Variants in ZCCHC14 observed in about 807,000 individuals in gnomAD.
The protein encoded by ZCCHC14 is zinc finger CCHC domain-containing protein 14.
A neutral mutation model predicts 85.0 loss-of-function variants in ZCCHC14; 16 were observed. That is an observed-to-expected ratio of 0.19 (90% CI 0.13 to 0.29). The LOEUF (loss-of-function observed/expected upper bound fraction) is 0.29. ZCCHC14 is among the 10% of genes least tolerant of loss of function. The pLI, the probability that ZCCHC14 is intolerant of heterozygous loss-of-function variation, is 1.00. For synonymous variants in ZCCHC14, 775 were observed against 630.7 expected (o/e 1.23, Z -3.43); for missense variants, 1,303 against 1,443.5 (o/e 0.90, Z 1.58).
At chr16:87,444,078 A>AAC (rs1031363917) in intron 2 of ZCCHC14, among the ~76,000 whole-genome samples, 1 of 151,866 alleles carries the variant, frequency 6.6e-6, no homozygotes, top group African/African-American at 2.4e-5. Context: ...GAAAAGGAAA[A>AAC]ACACAGAAAC....
At position 87,410,297 on chromosome 16, in the gene ZCCHC14, G is replaced by A. The variant is rs1285510471; in HGVS notation, c.3244C>T (p.Leu1082=). 1.3e-6 allele frequency: 1 copy of A among 776,692 alleles called. No individual in the cohort carries two copies. Among genetic ancestry groups the A allele is most frequent in the African/African-American group, 1.7e-5 (1 of 58,870 alleles). The allele number at this position is 776,692 out of a possible 1,614,324, so 48.1% of individuals were successfully genotyped here. Residue 1082 remains leucine (L), a synonymous_variant, in exon 13 of 13, where the codon CTG becomes TTG. Transcript: ENST00000671377. ...RLKYAPPAES[L]DSTD ...GAAAAATATCAATCTGTGGAGTCCA[G>A]ACTTTCTGCTGGAGGGGCGTATTTC...
chr16:87,427,041 CAG>C (rs1283809049), intron 3 of ZCCHC14, among the ~76,000 whole-genome samples: 4 of 152,238 alleles, frequency 2.6e-5, no homozygotes, highest in Admixed American at 6.5e-5. Flanking sequence ...CTCCAGCCAA[CAG>C]GGGAAGATGT....
Position 87,412,788 on chromosome 16 carries a change from G to C in ZCCHC14, c.1933C>G (p.Arg645Gly), listed in dbSNP as rs1323180143. 1.9e-6 allele frequency: 3 copies of C among 1,613,538 alleles called. No individual in the cohort carries two copies. The highest frequency in any genetic ancestry group is 2.7e-5 in the African/African-American group (2 of 74,912). Reference sequence around the variant, plus strand: ...GGCTTGTGCACGGAATTCAGCATGCGGATGGGTGTGATGTGTGAGGCTGCG... The same window carrying C: ...GGCTTGTGCACGGAATTCAGCATGCCGATGGGTGTGATGTGTGAGGCTGCG... ...LSAASHITPI[R>G]MLNSVHKPER... is the part of the protein sequence containing the mutation. Residue 645 changes from arginine (R) to glycine (G), a missense_variant, in exon 12 of 13, where the codon CGC (arginine) becomes GGC (glycine). Arg to Gly is a moderately radical substitution (Grantham distance 125). Around this residue, in one of 7 missense-constraint regions of ZCCHC14, gnomAD observed 797 missense variants for 730.8 expected, o/e 1.09. Coordinates refer to ENST00000671377, the MANE Select transcript of ZCCHC14 (RefSeq NM_015144.3).
At chr16:87,410,934 A>C (rs1286032585) in intron 12 of ZCCHC14, among the ~76,000 whole-genome samples, 1 of 152,176 alleles carries the variant, frequency 6.6e-6, no homozygotes, top group Non-Finnish European at 1.5e-5. Flanking sequence ...GTTGGGACCC[A>C]CCTTCCCAGT....
At chr16:87,487,799 G>T (rs8058599) in intron 1 of ZCCHC14, among the ~76,000 whole-genome samples, 2 of 152,150 alleles carry the variant, frequency 1.3e-5, no homozygotes, top group Admixed American at 6.5e-5. Flanking sequence ...AACGCCACTC[G>T]GCAGCGAAAG....
intron 1 of ZCCHC14, chr16:87,467,585 G>C: frequency 6.9e-7 from 1 of 1,440,264 alleles, no homozygotes. Flanking sequence ...CTGAAAATTG[G>C]AATAGGTGTC....
intron 2 of ZCCHC14, among the ~76,000 whole-genome samples, chr16:87,441,497 T>A (rs887771150): frequency 2.6e-5 from 4 of 152,212 alleles, no homozygotes; most frequent in Admixed American, 6.5e-5. Context: ...TGTAGTTCTA[T>A]TGGATTCAAG....
At chr16:87,419,512 G>A (rs149961780) in intron 6 of ZCCHC14, among the ~76,000 whole-genome samples, 3,699 of 151,842 alleles carry the variant, frequency 0.024, 146 homozygotes, top group African/African-American at 0.086. Flanking sequence ...CATATTGGCC[G>A]GGCTGGTCTT....
At chr16:87,421,698 A>G (rs930458966) in intron 4 of ZCCHC14, among the ~76,000 whole-genome samples, 4 of 152,144 alleles carry the variant, frequency 2.6e-5, no homozygotes, top group Non-Finnish European at 5.9e-5. Flanking sequence ...AAAACGGCGG[A>G]GAAGACCCTC....
chr16:87,468,121 C>T (rs966269630), intron 1 of ZCCHC14, among the ~76,000 whole-genome samples: 1 of 152,148 alleles, frequency 6.6e-6, no homozygotes, highest in African/African-American at 2.4e-5. Context: ...AGATGTAAAT[C>T]TTCATTTATT....
chr16:87,411,169 G>C (rs910327525), intron 12 of ZCCHC14, among the ~76,000 whole-genome samples: 2 of 152,322 alleles, frequency 1.3e-5, no homozygotes, highest in South Asian at 4.1e-4. Flanking sequence ...ATGCCGATGC[G>C]CCACAGCCTG....
intron 2 of ZCCHC14, among the ~76,000 whole-genome samples, chr16:87,459,255 C>G (rs1359140722): frequency 6.6e-6 from 1 of 152,172 alleles, no homozygotes; most frequent in Non-Finnish European, 1.5e-5. Context: ...CACTCCGTCA[C>G]CACAGAGAGC....
intron 4 of ZCCHC14, among the ~76,000 whole-genome samples, chr16:87,422,908 G>A (rs531602868): frequency 1.3e-5 from 2 of 152,252 alleles, no homozygotes; most frequent in South Asian, 2.1e-4. Flanking sequence ...AGATTCCCGG[G>A]GGGGGGTGTG....
intron 1 of ZCCHC14, among the ~76,000 whole-genome samples, chr16:87,460,532 A>G (rs1253874753): frequency 2.0e-5 from 3 of 152,296 alleles, no homozygotes; most frequent in Admixed American, 2.0e-4. Flanking sequence ...TCTATTAAAA[A>G]TACAAAAATT....
chr16:87,460,363 G>C (rs1460110129), intron 1 of ZCCHC14, among the ~76,000 whole-genome samples: 7 of 152,152 alleles, frequency 4.6e-5, no homozygotes, highest in Admixed American at 4.6e-4. Flanking sequence ...CTTACGTCTT[G>C]TGGCTGGGGT....
chr16:87,467,426 G>T, intron 1 of ZCCHC14: 2 of 1,603,154 alleles, frequency 1.2e-6, no homozygotes, highest in Non-Finnish European at 1.7e-6. Flanking sequence ...GAGCAAATAT[G>T]ATTGGTAATA....
intron 2 of ZCCHC14, 38 bp from the exon 3 acceptor site, chr16:87,433,239 G>C (rs1909751795): frequency 6.3e-7 from 1 of 1,578,968 alleles, no homozygotes; most frequent in Non-Finnish European, 8.7e-7. Context: ...TGAAATAAGA[G>C]CTTGAAGTAT....
chr16:87,478,689 C>G (rs1371694760), intron 1 of ZCCHC14, among the ~76,000 whole-genome samples: 1 of 152,040 alleles, frequency 6.6e-6, no homozygotes, highest in Non-Finnish European at 1.5e-5. Context: ...TCACTGCAAC[C>G]TCTGCCTCCC....
chr16:87,419,332 G>A (rs1210038509), intron 6 of ZCCHC14, among the ~76,000 whole-genome samples: 1 of 150,428 alleles, frequency 6.6e-6, no homozygotes, highest in Non-Finnish European at 1.5e-5. Context: ...ATGGAGACTT[G>A]CTCTGTCAAC....
Sources: gnomAD v4.1 joint callset for allele counts (sites outside exome capture counted in the v4.1 genomes callset) on GRCh38, gnomAD v4.1.1 for gene constraint, gnomAD v4.1.1 regional missense constraint, MANE v1.5 for transcripts, NCBI Gene and HGNC (gene_info 2026-07-23, HGNC 2026-07-21) for gene names.